The following MYO18B variants were observed in gnomAD, a reference collection of about 807,000 sequenced individuals.
MYO18B encodes unconventional myosin-XVIIIb.
Under a neutral mutation model 273.0 loss-of-function variants are expected in MYO18B, and 204 were observed. The observed-to-expected ratio is 0.75, with a 90% confidence interval of 0.67 to 0.84. The LOEUF is 0.84. Among genes scored for constraint, MYO18B ranks in the 40% least tolerant of loss-of-function variants. The probability of loss-of-function intolerance (pLI) is 0.00; values close to 1 mark genes in which losing one functional copy is unlikely to be tolerated. For synonymous variants in MYO18B, 1,330 were observed against 1,305.7 expected, an observed-to-expected ratio of 1.02 and a Z score of -0.40; for missense variants, 3,212 against 3,287.6, an observed-to-expected ratio of 0.98 and a Z score of 0.56.
chr22:25,876,865 T>C (rs1225888302), intron 24 of MYO18B: 2 of 152,226 alleles, frequency 1.3e-5, no homozygotes, highest in Non-Finnish European at 2.9e-5. Flanking sequence ...TATTTTCTAC[T>C]TAAAATGTAT....
chr22:26,014,011 C>G (rs1403117921), intron 42 of MYO18B, among the ~76,000 whole-genome samples: 2 of 152,000 alleles, frequency 1.3e-5, no homozygotes, highest in East Asian at 3.8e-4. Context: ...TTAATGTAAC[C>G]CAGTTTATAA....
intron 39 of MYO18B, among the ~76,000 whole-genome samples, chr22:25,978,921 T>G (rs1049556673): frequency 6.6e-6 from 1 of 152,202 alleles, no homozygotes; most frequent in African/African-American, 2.4e-5. Flanking sequence ...CACTCCAGCC[T>G]GGGCAACAGA....
intron 21 of MYO18B, among the ~76,000 whole-genome samples, chr22:25,863,072 C>T (rs568251712): frequency 6.6e-6 from 1 of 152,226 alleles, no homozygotes; most frequent in Admixed American, 6.5e-5. Flanking sequence ...CTGACTCTTT[C>T]ATTTGACATC....
intron 12 of MYO18B, among the ~76,000 whole-genome samples, chr22:25,814,741 A>G (rs1375111886): frequency 6.6e-6 from 1 of 152,216 alleles, no homozygotes; most frequent in Non-Finnish European, 1.5e-5. Context: ...TAACAATGAC[A>G]GTGGCGATGA....
At chr22:25,861,663 G>A (rs899879117) in intron 21 of MYO18B, among the ~76,000 whole-genome samples, 2 of 152,032 alleles carry the variant, frequency 1.3e-5, no homozygotes, top group African/African-American at 4.8e-5. Flanking sequence ...TTACATTATA[G>A]CCATTTTGCT....
At chr22:25,919,827 C>CA (rs2092316185) in intron 33 of MYO18B, among the ~76,000 whole-genome samples, 1 of 152,128 alleles carries the variant, frequency 6.6e-6, no homozygotes, top group African/African-American at 2.4e-5. Context: ...AATAGAAATA[C>CA]AAAATCTAGA....
intron 12 of MYO18B, among the ~76,000 whole-genome samples, chr22:25,811,085 C>T (rs574600529): frequency 6.7e-6 from 1 of 150,260 alleles, no homozygotes; most frequent in Non-Finnish European, 1.5e-5. Context: ...GTGATCTCGG[C>T]TCACTGCAAC....
intron 34 of MYO18B, among the ~76,000 whole-genome samples, chr22:25,945,686 TCTCCCCTCGCCTCC>T (rs2092695543): frequency 9.4e-6 from 1 of 106,932 alleles, no homozygotes; most frequent in Non-Finnish European, 2.0e-5. Context: ...AGGCCTCTCC[TCTCCCCTCGCCTCC>T]CCTCTCCCCT....
intron 12 of MYO18B, among the ~76,000 whole-genome samples, chr22:25,815,220 G>A (rs1233493235): frequency 6.6e-6 from 1 of 152,228 alleles, no homozygotes; most frequent in Non-Finnish European, 1.5e-5. Context: ...TTGGCGAGGG[G>A]CATGTGAATG....
In MYO18B at chr22:25,828,819, G is replaced by A. The variant is rs2145917943; in HGVS notation, c.2830G>A (p.Val944Met). 2 of 1,613,876 alleles carry A rather than the reference G, an allele frequency of 1.2e-6. No individual in the cohort carries two copies. The highest frequency in any genetic ancestry group is 1.7e-6 in the Non-Finnish European group (2 of 1,179,880). ...HHLSMASIMV[V>M]DSPGFQNPRH... ...TCTCTCCATGGCCTCCATCATGGTG[G>A]TGGACTCTCCAGGCTTCCAGAACCC... Residue 944 changes from valine (V) to methionine (M), a missense_variant, in exon 15 of 44, where the codon GTG becomes ATG. Val to Met is a conservative substitution (Grantham distance 21). Coordinates refer to ENST00000335473, the MANE Select transcript of MYO18B (RefSeq NM_032608.7).
At chr22:25,781,655 G>T in intron 9 of MYO18B, 79 bp from the exon 10 acceptor site, 1 of 839,392 alleles carries the variant, frequency 1.2e-6, no homozygotes, top group Non-Finnish European at 1.7e-6. Context: ...ACCCCAATGG[G>T]GCTTCTGGGT....
At position 25,950,372 on chromosome 22, in the gene MYO18B, T is replaced by G. The variant is rs768995236; in HGVS notation, c.5754T>G (p.Ala1918=). The change falls in exon 37 of 44, where the codon GCT becomes GCG. Residue 1918 remains alanine, a synonymous_variant. Transcript: ENST00000335473. ...TTTTTTTTTTGTCTCACCAGTCTGC[T>G]GCTGACATTGGGCAGATCCAAGAAC... is the stretch of plus-strand genomic sequence containing the variant. ...QKHKDLIAQS[A]ADIGQIQELQ... 6.2e-7 allele frequency: 1 copy of G among 1,600,368 alleles called. No individual in the cohort carries two copies.
chr22:26,026,386 T>C (rs1217639674), intron 42 of MYO18B, 59 bp from the exon 43 acceptor site: 6 of 1,540,356 alleles, frequency 3.9e-6, no homozygotes, highest in Non-Finnish European at 5.2e-6. Context: ...CTCACACCGA[T>C]TGCACAAATT....
intron 17 of MYO18B, among the ~76,000 whole-genome samples, chr22:25,838,725 G>T (rs1053523578): frequency 6.6e-6 from 1 of 152,122 alleles, no homozygotes; most frequent in East Asian, 1.9e-4. Flanking sequence ...TCTAGGTTGG[G>T]GTTAGCATGC....
intron 25 of MYO18B, among the ~76,000 whole-genome samples, chr22:25,880,992 C>T (rs2091317456): frequency 6.6e-6 from 1 of 152,110 alleles, no homozygotes; most frequent in African/African-American, 2.4e-5. Context: ...ATTTCTACAC[C>T]CGAGAGCACC....
chr22:25,986,698 C>T (rs1461769663), intron 39 of MYO18B, among the ~76,000 whole-genome samples: 2 of 152,086 alleles, frequency 1.3e-5, no homozygotes, highest in African/African-American at 2.4e-5. Flanking sequence ...GGATAAAGTA[C>T]GTGTTACAGG....
chr22:25,832,085 T>TA (rs1372595088), intron 15 of MYO18B, among the ~76,000 whole-genome samples: 26 of 151,416 alleles, frequency 1.7e-4, no homozygotes, highest in Middle Eastern at 3.4e-3. Context: ...ATGGCTACTA[T>TA]TAAAAAAAAT....
chr22:26,058,250 T>A, the MYO18B span, among the ~76,000 whole-genome samples: 1 of 152,190 alleles, frequency 6.6e-6, no homozygotes, highest in Non-Finnish European at 1.5e-5. Context: ...TTGATATTGA[T>A]AACCTGCTCA....
chr22:25,847,604 C>G lies in MYO18B; in HGVS notation c.3727C>G (p.Gln1243Glu). ...CCTGGATATCCCAGCACTGAGGGTC[C>G]AGCTTGCTGGGTTCCACATCCTGGA... ...LALDIPALRV[Q>E]LAGFHILEAL... Residue 1243 changes from glutamine to glutamate, a missense_variant, in exon 20 of 44, where the codon CAG (glutamine) becomes GAG (glutamate). Transcript: ENST00000335473. The G allele has an allele frequency of 1.9e-6, 3 of 1,565,022 alleles. No homozygotes were observed. The highest frequency in any genetic ancestry group is 2.6e-6 in the Non-Finnish European group (3 of 1,154,928).
Sources: gnomAD v4.1 joint callset for allele counts (sites outside exome capture counted in the v4.1 genomes callset) on GRCh38, gnomAD v4.1.1 for gene constraint, MANE v1.5 for transcripts, NCBI Gene and HGNC (gene_info 2026-07-23, HGNC 2026-07-21) for gene names.